The following TPPP2 variants were observed in gnomAD, a reference collection of about 807,000 sequenced individuals.
TPPP2 encodes the protein tubulin polymerization promoting protein family member 2.
In TPPP2, 8 loss-of-function variants were observed where a neutral mutation model predicts 13.0. The ratio of observed to expected loss-of-function variants is 0.62; its 90% confidence interval spans 0.36 to 1.11. TPPP2 has a LOEUF of 1.11. Among genes scored for constraint, TPPP2 ranks in the 50% most tolerant of loss-of-function variants. The pLI is 0.02. For missense variants in TPPP2, 213 were observed against 216.9 expected (o/e 0.98, Z 0.11); for synonymous variants, 81 against 81.8 (o/e 0.99, Z 0.05).
At chr14:21,031,296 A>G in intron 3 of TPPP2, 131 bp downstream of exon 3, 2 of 1,239,158 alleles carry the variant, frequency 1.6e-6, no homozygotes. Flanking sequence ...TCATCTAGAC[A>G]TTCCAGAAGT....
chr14:21,031,364 A>G (rs541370774), intron 3 of TPPP2, 199 bp downstream of exon 3: 1 of 603,770 alleles, frequency 1.7e-6, no homozygotes, highest in Admixed American at 3.6e-5. Context: ...GGCTATTTTA[A>G]TAGTAGATTT....
chr14:21,035,685 T>C, downstream of TPPP2: 1 of 438,316 alleles, frequency 2.3e-6, no homozygotes, highest in Non-Finnish European at 4.6e-6. Context: ...AGATTGGTGT[T>C]CCTCATGTAG....
chr14:21,031,888 G>A lies in TPPP2; in HGVS notation c.328-4G>A, dbSNP rs1370394182. ...GAGAGCTCAAATCCATCCCTGGCTT[G>A]CAGAAAGCAACAACAGTGGGTGCAG... On this transcript the variant is annotated splice_region_variant and splice_polypyrimidine_tract_variant and intron_variant, in intron 3 of 3. Coordinates refer to ENST00000321760, the MANE Select transcript of TPPP2 (RefSeq NM_173846.5). 6.2e-7 allele frequency: 1 copy of A among 1,611,914 alleles called. No homozygotes were observed. The highest frequency in any genetic ancestry group is 8.5e-7 in the Non-Finnish European group (1 of 1,178,218).
downstream of TPPP2, among the ~76,000 whole-genome samples, chr14:21,034,938 T>A (rs987158022): frequency 6.6e-6 from 1 of 152,246 alleles, no homozygotes; most frequent in Non-Finnish European, 1.5e-5. Context: ...AGTTCCTAAG[T>A]GCCTGGGCTT....
chr14:21,033,473 G>A, downstream of TPPP2: 1 of 340,230 alleles, frequency 2.9e-6, no homozygotes, highest in Non-Finnish European at 5.5e-6. Context: ...GGTGTGAGCT[G>A]AGGCCCTGGG....
At position 21,030,275 on chromosome 14, in the gene TPPP2, A is replaced by C; in HGVS notation, c.-99A>C. The C allele has an allele frequency of 3.1e-6, 1 of 317,500 alleles. No homozygotes were observed. Among genetic ancestry groups the C allele is most frequent in the Non-Finnish European group, 6.0e-6 (1 of 166,760 alleles). 19.7% of individuals were successfully genotyped at this position (317,500 alleles called of 1,614,324 possible). On this transcript the variant is annotated 5_prime_UTR_variant, in exon 1 of 4. Transcript: ENST00000321760. ...ACACACTTAAATACAAAGGCCGGGA[A>C]GGGTCAGACCACCATCCGGGTACTC... is the stretch of plus-strand genomic sequence containing the variant.
chr14:21,033,131 G>A (rs1191857189), downstream of TPPP2: 1 of 382,432 alleles, frequency 2.6e-6, no homozygotes, highest in South Asian at 2.0e-5. Flanking sequence ...AAGACTGGAA[G>A]AAAAAGAGGT....
At chr14:21,033,600 G>A (rs1429884044), downstream of TPPP2, 2 of 587,068 alleles carry the variant, frequency 3.4e-6, no homozygotes, top group African/African-American at 1.9e-5. Context: ...ATGAGGAGGT[G>A]GGGGCGAAGA....
At chr14:21,028,137 T>C (rs574324591), upstream of TPPP2, among the ~76,000 whole-genome samples, 1 of 152,304 alleles carries the variant, frequency 6.6e-6, no homozygotes, top group South Asian at 2.1e-4. Flanking sequence ...CCAGGGACTA[T>C]GCTCCTTCCA....
At chr14:21,027,686 C>T (rs903400474), upstream of TPPP2, among the ~76,000 whole-genome samples, 1 of 152,210 alleles carries the variant, frequency 6.6e-6, no homozygotes, top group Non-Finnish European at 1.5e-5. Flanking sequence ...ATTATTTACT[C>T]AGTTCACACT....
downstream of TPPP2, chr14:21,033,723 C>A: frequency 1.1e-6 from 1 of 911,860 alleles, no homozygotes; most frequent in Non-Finnish European, 1.8e-6. Context: ...CTGCCTGCCT[C>A]GTAAGTCAGG....
chr14:21,032,656 T>G lies in TPPP2; in HGVS notation c.*579T>G, dbSNP rs1274159612. 1 of 341,974 alleles carries G rather than the reference T, an allele frequency of 2.9e-6. No homozygotes were observed. Among genetic ancestry groups the G allele is most frequent in the Non-Finnish European group, 5.7e-6 (1 of 176,882 alleles). 21.2% of individuals were successfully genotyped at this position (341,974 alleles called of 1,614,324 possible). A position where few individuals can be genotyped will look rare whatever the true frequency, so the allele number is the denominator to read the frequency against. ...TCAACACCCAGCCCAGAACTAAGTT[T>G]TACCCCACATCACCTCCATCATGGG... On this transcript the variant is annotated 3_prime_UTR_variant, in exon 4 of 4. Transcript: ENST00000321760.
downstream of TPPP2, chr14:21,032,890 G>T (rs1952525): frequency 0.35 from 156,696 of 452,496 alleles, 28,242 homozygotes; most frequent in East Asian, 0.53. Flanking sequence ...TACAGAGGGG[G>T]CTCGTGTGCC....
Position 21,032,196 on chromosome 14 carries a change from A to AGATTT in TPPP2, c.*119_*120insGATTT. On this transcript the variant is annotated 3_prime_UTR_variant, in exon 4 of 4. Coordinates refer to ENST00000321760, the MANE Select transcript of TPPP2 (RefSeq NM_173846.5). ...CAAAATCTCTGTCTGTGAGGGACAG[A>AGATTT]TGAGCCTACTAGTGTAGAGAGAGGG... 2 of 1,050,628 alleles carry AGATTT rather than the reference A, an allele frequency of 1.9e-6. No homozygotes were observed. Among genetic ancestry groups the AGATTT allele is most frequent in the Non-Finnish European group, 2.9e-6 (2 of 688,474 alleles). The allele number at this position is 1,050,628 out of a possible 1,614,324, so 65.1% of individuals were successfully genotyped here. A position where few individuals can be genotyped will look rare whatever the true frequency, so the allele number is the denominator to read the frequency against.
At chr14:21,034,270 G>A (rs140441722), downstream of TPPP2, 707 of 1,612,264 alleles carry the variant, frequency 4.4e-4, 3 homozygotes, top group East Asian at 9.2e-3. Flanking sequence ...AAAAGGAGCC[G>A]GGTCACAGCT....
intron 3 of TPPP2, among the ~76,000 whole-genome samples, 155 bp from the exon 4 acceptor site, chr14:21,031,737 C>T (rs188321875): frequency 6.6e-6 from 1 of 152,286 alleles, no homozygotes; most frequent in Admixed American, 6.5e-5. Flanking sequence ...AGTACCTGCC[C>T]ACAGCTGTAT....
chr14:21,033,867 T>C (rs1396341638), downstream of TPPP2: 5 of 1,614,084 alleles, frequency 3.1e-6, no homozygotes, highest in Non-Finnish European at 4.2e-6. Flanking sequence ...AGCTTCATAC[T>C]TGCGGGAGCA....
chr14:21,030,315 G>A lies in TPPP2; in HGVS notation c.-70+11G>A. 2.2e-6 allele frequency: 1 copy of A among 447,972 alleles called. No homozygotes were observed. Among genetic ancestry groups the A allele is most frequent in the Non-Finnish European group, 4.1e-6 (1 of 244,884 alleles). The allele number at this position is 447,972 out of a possible 1,614,324, so 27.7% of individuals were successfully genotyped here. On this transcript the variant is annotated intron_variant, in intron 1 of 3. Coordinates refer to ENST00000321760, the MANE Select transcript of TPPP2 (RefSeq NM_173846.5). The stretch of plus-strand genomic sequence containing the variant: ...TCCGGGTACTCTAAGGTACATAAAA[G>A]AGGTAGGGGAAAGAGAGGATCATTC...
chr14:21,032,810 G>A lies in TPPP2; in HGVS notation c.*733G>A, dbSNP rs1000119394. ...AAGAAAAAGCAATTAAATCACAACA[G>A]AGTCAGATGTGTGTTATTAACTTTT... On this transcript the variant is annotated 3_prime_UTR_variant, in exon 4 of 4. Coordinates refer to ENST00000321760, the MANE Select transcript of TPPP2 (RefSeq NM_173846.5). 1 of 387,312 alleles carries A rather than the reference G, an allele frequency of 2.6e-6. No homozygotes were observed. Among genetic ancestry groups the A allele is most frequent in the Non-Finnish European group, 5.0e-6 (1 of 198,116 alleles). 24.0% of individuals were successfully genotyped at this position (387,312 alleles called of 1,614,324 possible).
Sources: gnomAD v4.1 joint callset for allele counts (sites outside exome capture counted in the v4.1 genomes callset) on GRCh38, gnomAD v4.1.1 for gene constraint, MANE v1.5 for transcripts, NCBI Gene and HGNC (gene_info 2026-07-23, HGNC 2026-07-21) for gene names.